HS3ST4: variants seen among roughly 807,000 people sequenced by gnomAD.
HS3ST4 encodes heparan sulfate-glucosamine 3-sulfotransferase 4.
Under a neutral mutation model 29.2 loss-of-function variants are expected in HS3ST4, and 17 were observed. That is an observed-to-expected ratio of 0.58 (90% CI 0.40 to 0.87). The LOEUF (loss-of-function observed/expected upper bound fraction) is 0.87, where lower values mean the gene tolerates loss of function less well. HS3ST4 is among the 40% of genes least tolerant of loss of function. The pLI is 0.00. For synonymous variants in HS3ST4, 314 were observed against 285.7 expected, an observed-to-expected ratio of 1.10 and a Z score of -1.00; for missense variants, 627 against 634.5, an observed-to-expected ratio of 0.99 and a Z score of 0.13.
intron 1 of HS3ST4, among the ~76,000 whole-genome samples, chr16:25,900,920 C>T: frequency 6.6e-6 from 1 of 152,112 alleles, no homozygotes; most frequent in East Asian, 1.9e-4. Flanking sequence ...CCATGTTCTT[C>T]CTACTCTGTT....
intron 1 of HS3ST4, among the ~76,000 whole-genome samples, chr16:26,120,612 C>T (rs943059288): frequency 6.6e-6 from 1 of 152,208 alleles, no homozygotes; most frequent in Non-Finnish European, 1.5e-5. Context: ...CACACTCGCT[C>T]TTCACAGGAA....
At chr16:25,906,430 T>C (rs142812531) in intron 1 of HS3ST4, among the ~76,000 whole-genome samples, 1,548 of 152,316 alleles carry the variant, frequency 0.01, 11 homozygotes, top group South Asian at 0.018. Flanking sequence ...TAAAAAATAA[T>C]ATTTTAAATG....
At chr16:25,937,803 A>G (rs1968531778) in intron 1 of HS3ST4, among the ~76,000 whole-genome samples, 1 of 152,162 alleles carries the variant, frequency 6.6e-6, no homozygotes, top group Non-Finnish European at 1.5e-5. Context: ...GTATCTTCCC[A>G]TTGACACAGG....
intron 1 of HS3ST4, among the ~76,000 whole-genome samples, chr16:25,716,126 T>C (rs542168201): frequency 1.9e-4 from 29 of 152,358 alleles, no homozygotes; most frequent in Non-Finnish European, 3.7e-4. Context: ...TGTCGCTTAC[T>C]GCAACAAGAT....
chr16:25,787,705 G>A (rs961794611), intron 1 of HS3ST4, among the ~76,000 whole-genome samples: 3 of 152,210 alleles, frequency 2.0e-5, no homozygotes, highest in East Asian at 1.9e-4. Flanking sequence ...TGGAAGTATC[G>A]CTTGAGCTCA....
intron 1 of HS3ST4, among the ~76,000 whole-genome samples, chr16:26,107,277 T>C (rs1475097917): frequency 6.6e-6 from 1 of 151,650 alleles, no homozygotes; most frequent in Non-Finnish European, 1.5e-5. Flanking sequence ...ATATATGTAG[T>C]TTTATGTATG....
At chr16:25,775,941 A>T (rs1035571717) in intron 1 of HS3ST4, among the ~76,000 whole-genome samples, 4 of 152,214 alleles carry the variant, frequency 2.6e-5, no homozygotes, top group African/African-American at 9.6e-5. Flanking sequence ...AAAATGAGTT[A>T]GAAGTCTTAG....
Position 25,810,158 on chromosome 16 carries a change from C to T in HS3ST4, c.734+117007C>T, listed in dbSNP as rs190358727. 1.8e-3 allele frequency among the ~76,000 whole-genome samples: 268 copies of T among 149,064 alleles called. 1 individual carries two copies. Among genetic ancestry groups the T allele is most frequent in the Non-Finnish European group, 3.2e-3 (216 of 66,648 alleles). On this transcript the variant is annotated intron_variant, in intron 1 of 1. Coordinates refer to ENST00000331351, the MANE Select transcript of HS3ST4 (RefSeq NM_006040.3). The stretch of plus-strand genomic sequence containing the variant: ...TAGCAGCATCTAACATATGTAGTTA[C>T]GGTGTACTTTCAATTTTATTTAGTC...
At chr16:25,751,176 T>A (rs1966716927) in intron 1 of HS3ST4, among the ~76,000 whole-genome samples, 1 of 152,234 alleles carries the variant, frequency 6.6e-6, no homozygotes, top group Non-Finnish European at 1.5e-5. Context: ...GTTCTGACCA[T>A]GGCCCGGTTT....
intron 1 of HS3ST4, among the ~76,000 whole-genome samples, chr16:26,082,346 T>C (rs1898734035): frequency 6.6e-6 from 1 of 152,228 alleles, no homozygotes; most frequent in Non-Finnish European, 1.5e-5. Context: ...CCTCTGTTTC[T>C]TTAACCATTT....
rs74014105 is a variant in HS3ST4, at chr16:25,810,921, G to C, written c.734+117770G>C. 2.9e-3 allele frequency among the ~76,000 whole-genome samples: 444 copies of C among 152,228 alleles called. 5 individuals are homozygous for C. Among genetic ancestry groups the C allele is most frequent in the African/African-American group, 0.01 (425 of 41,548 alleles). On this transcript the variant is annotated intron_variant, in intron 1 of 1. Transcript: ENST00000331351. ...AAGCAAAACTCAGGAGAAAAAAAAT[G>C]GACTTTTGAGTGAGACAGATTTGAT... is the stretch of plus-strand genomic sequence containing the variant.
At chr16:25,892,244 T>C (rs1009331152) in intron 1 of HS3ST4, among the ~76,000 whole-genome samples, 1 of 152,140 alleles carries the variant, frequency 6.6e-6, no homozygotes, top group Non-Finnish European at 1.5e-5. Context: ...GCCTGTGTTT[T>C]AGGGGCAGGC....
intron 1 of HS3ST4, among the ~76,000 whole-genome samples, chr16:25,745,993 C>T (rs1197819601): frequency 6.6e-6 from 1 of 152,172 alleles, no homozygotes; most frequent in African/African-American, 2.4e-5. Flanking sequence ...ATTAAGTTAT[C>T]CTCCAGATCT....
At chr16:25,943,628 G>A (rs569012666) in intron 1 of HS3ST4, among the ~76,000 whole-genome samples, 1 of 152,240 alleles carries the variant, frequency 6.6e-6, no homozygotes, top group East Asian at 1.9e-4. Context: ...CACAGTCAGG[G>A]TGGATGGCTG....
At chr16:26,054,551 G>C (rs1379055308) in intron 1 of HS3ST4, among the ~76,000 whole-genome samples, 1 of 152,186 alleles carries the variant, frequency 6.6e-6, no homozygotes, top group East Asian at 1.9e-4. Context: ...GGAAGTTTTT[G>C]AGAACAATTG....
chr16:25,758,941 G>A (rs2141605260), intron 1 of HS3ST4, among the ~76,000 whole-genome samples: 1 of 150,986 alleles, frequency 6.6e-6, no homozygotes, highest in Middle Eastern at 3.4e-3. Flanking sequence ...GGGTAACAGA[G>A]TGAGACTCTG....
intron 1 of HS3ST4, among the ~76,000 whole-genome samples, chr16:25,769,146 G>A (rs553003818): frequency 3.9e-5 from 6 of 152,240 alleles, no homozygotes; most frequent in Admixed American, 3.9e-4. Flanking sequence ...TCGCCAAGCA[G>A]GAGACAGCTT....
intron 1 of HS3ST4, among the ~76,000 whole-genome samples, chr16:25,773,592 A>T (rs1179801440): frequency 6.6e-6 from 1 of 152,144 alleles, no homozygotes; most frequent in African/African-American, 2.4e-5. Flanking sequence ...CAATTTGGAG[A>T]CACTTTCAAG....
intron 1 of HS3ST4, among the ~76,000 whole-genome samples, chr16:25,707,514 G>A (rs542445418): frequency 3.9e-5 from 6 of 152,242 alleles, no homozygotes; most frequent in Admixed American, 1.3e-4. Flanking sequence ...TGTAGATGAG[G>A]GGGCACTATT....
Sources: gnomAD v4.1 joint callset for allele counts (sites outside exome capture counted in the v4.1 genomes callset) on GRCh38, gnomAD v4.1.1 for gene constraint, MANE v1.5 for transcripts, NCBI Gene and HGNC (gene_info 2026-07-23, HGNC 2026-07-21) for gene names.